ADAMTSL1: variants seen among roughly 807,000 people sequenced by gnomAD.
The protein encoded by ADAMTSL1 is ADAMTS-like protein 1.
A neutral mutation model predicts 201.8 loss-of-function variants in ADAMTSL1; 126 were observed. That is an observed-to-expected ratio of 0.62 (90% CI 0.54 to 0.72). ADAMTSL1 has a LOEUF of 0.72. Among genes scored for constraint, ADAMTSL1 ranks in the 30% least tolerant of loss-of-function variants. The pLI is 0.00. For missense variants in ADAMTSL1, 2,679 were observed against 2,277.8 expected, an observed-to-expected ratio of 1.18 and a Z score of -3.59; for synonymous variants, 1,121 against 903.4, an observed-to-expected ratio of 1.24 and a Z score of -4.32.
At chr9:18,543,149 C>G (rs1366150840) in intron 3 of ADAMTSL1, among the ~76,000 whole-genome samples, 1 of 152,186 alleles carries the variant, frequency 6.6e-6, no homozygotes, top group Admixed American at 6.5e-5. Context: ...GGGGACAAAT[C>G]AGTATCCACC....
intron 2 of ADAMTSL1, among the ~76,000 whole-genome samples, chr9:18,185,208 G>A (rs1434583041): frequency 5.3e-5 from 8 of 152,066 alleles, no homozygotes; most frequent in African/African-American, 1.9e-4. Context: ...TGGCAAAGAC[G>A]ACAGGATATT....
intron 1 of ADAMTSL1, among the ~76,000 whole-genome samples, chr9:18,504,281 A>G (rs1394934588): frequency 1.3e-5 from 2 of 152,168 alleles, no homozygotes; most frequent in African/African-American, 2.4e-5. Context: ...CAGCAAGTCT[A>G]TTTGTCAAGA....
At chr9:18,661,358 G>A (rs972684526) in intron 8 of ADAMTSL1, among the ~76,000 whole-genome samples, 3 of 152,128 alleles carry the variant, frequency 2.0e-5, no homozygotes, top group African/African-American at 2.4e-5. Flanking sequence ...CAGGATTCGT[G>A]ATGTCTACTG....
At chr9:18,027,431 G>C (rs919215719) in intron 1 of ADAMTSL1, among the ~76,000 whole-genome samples, 2 of 144,570 alleles carry the variant, frequency 1.4e-5, no homozygotes, top group East Asian at 2.0e-4. Flanking sequence ...TTATTTCAAA[G>C]ATTTTTTTTT....
At chr9:18,875,264 G>A (rs1828080958) in intron 23 of ADAMTSL1, among the ~76,000 whole-genome samples, 4 of 151,920 alleles carry the variant, frequency 2.6e-5, no homozygotes, top group Admixed American at 2.6e-4. Flanking sequence ...GTTCTGCTCT[G>A]ATCTTTATTA....
intron 1 of ADAMTSL1, among the ~76,000 whole-genome samples, chr9:18,160,892 T>C (rs1827357868): frequency 1.3e-5 from 2 of 150,026 alleles, no homozygotes; most frequent in Non-Finnish European, 3.0e-5. Flanking sequence ...TCTCACTATT[T>C]GCCCAGGCTG....
intron 14 of ADAMTSL1, 126 bp downstream of exon 14, chr9:18,707,174 C>T: frequency 1.6e-6 from 2 of 1,224,670 alleles, no homozygotes; most frequent in South Asian, 3.1e-5. Context: ...GGGGAGGCAG[C>T]CATTCTAAAT....
At chr9:18,542,125 A>G (rs1158357374) in intron 3 of ADAMTSL1, among the ~76,000 whole-genome samples, 2 of 152,208 alleles carry the variant, frequency 1.3e-5, no homozygotes, top group African/African-American at 2.4e-5. Context: ...ATATGCTTTT[A>G]TAGTGTTTTA....
intron 2 of ADAMTSL1, among the ~76,000 whole-genome samples, chr9:18,178,867 A>G (rs1240268179): frequency 6.6e-6 from 1 of 151,934 alleles, no homozygotes; most frequent in East Asian, 1.9e-4. Context: ...CACACCAAAA[A>G]CCCATTTGTA....
intron 2 of ADAMTSL1, among the ~76,000 whole-genome samples, chr9:18,403,477 C>T (rs912878218): frequency 1.3e-5 from 2 of 152,150 alleles, no homozygotes. Flanking sequence ...AGCCACTGTG[C>T]CTGGCCCTTC....
chr9:18,124,545 T>C (rs1825656208), intron 1 of ADAMTSL1, among the ~76,000 whole-genome samples: 1 of 152,200 alleles, frequency 6.6e-6, no homozygotes, highest in Admixed American at 6.6e-5. Context: ...CTTTTTACTT[T>C]GTTGGGAATG....
chr9:18,206,282 C>G (rs1231442071), intron 2 of ADAMTSL1, among the ~76,000 whole-genome samples: 1 of 151,904 alleles, frequency 6.6e-6, no homozygotes, highest in African/African-American at 2.4e-5. Flanking sequence ...GAGGAATTTG[C>G]CAGGTACACT....
chr9:18,433,368 C>G (rs1819581634), intron 2 of ADAMTSL1, among the ~76,000 whole-genome samples: 1 of 151,934 alleles, frequency 6.6e-6, no homozygotes, highest in South Asian at 2.1e-4. Flanking sequence ...CAGAATGACT[C>G]CATATTTCCT....
At chr9:18,398,014 A>T (rs1817821567) in intron 2 of ADAMTSL1, among the ~76,000 whole-genome samples, 1 of 152,202 alleles carries the variant, frequency 6.6e-6, no homozygotes, top group South Asian at 2.1e-4. Context: ...TGCTCAGGGC[A>T]GTGTACATCA....
At chr9:18,007,296 T>C (rs1819868119) in intron 1 of ADAMTSL1, among the ~76,000 whole-genome samples, 2 of 152,058 alleles carry the variant, frequency 1.3e-5, no homozygotes, top group Admixed American at 1.3e-4. Context: ...GATAACTAGC[T>C]GTGAAGAGGA....
At chr9:18,127,639 G>C (rs1825794072) in intron 1 of ADAMTSL1, among the ~76,000 whole-genome samples, 1 of 152,110 alleles carries the variant, frequency 6.6e-6, no homozygotes, top group Non-Finnish European at 1.5e-5. Context: ...GGCTGCATGT[G>C]GAAAGTTTTC....
intron 25 of ADAMTSL1, among the ~76,000 whole-genome samples, chr9:18,891,931 A>G (rs1029674822): frequency 1.7e-4 from 26 of 152,226 alleles, no homozygotes; most frequent in Non-Finnish European, 2.5e-4. Context: ...GTCCAAGATC[A>G]AGGTATCTAT....
chr9:18,385,211 C>G (rs1452921516), intron 2 of ADAMTSL1, among the ~76,000 whole-genome samples: 1 of 152,098 alleles, frequency 6.6e-6, no homozygotes, highest in East Asian at 1.9e-4. Context: ...CCAACTTTCC[C>G]ACCTAAATCT....
At chr9:18,430,620 C>T (rs918889727) in intron 2 of ADAMTSL1, among the ~76,000 whole-genome samples, 3 of 152,192 alleles carry the variant, frequency 2.0e-5, no homozygotes, top group Admixed American at 2.0e-4. Context: ...TATACTGTTT[C>T]CCTAATCCCA....
Sources: allele counts gnomAD v4.1 joint callset (sites outside exome capture counted in the v4.1 genomes callset), GRCh38; gene constraint gnomAD v4.1.1; transcripts MANE v1.5; gene names NCBI Gene and HGNC (gene_info 2026-07-23, HGNC 2026-07-21).